Variants in CCSER1 observed in about 807,000 individuals in gnomAD.
CCSER1 encodes coiled-coil serine rich protein 1.
A neutral mutation model predicts 82.0 loss-of-function variants in CCSER1; 41 were observed. That is an observed-to-expected ratio of 0.50 (90% CI 0.39 to 0.65). The LOEUF is 0.65. Ranked by LOEUF, CCSER1 falls within the 30% of genes least tolerant of loss-of-function variation. The probability of loss-of-function intolerance (pLI) is 0.00; values close to 1 mark genes in which losing one functional copy is unlikely to be tolerated. For synonymous variants in CCSER1, 414 were observed against 383.9 expected, an observed-to-expected ratio of 1.08 and a Z score of -0.92; for missense variants, 1,119 against 1,064.2, an observed-to-expected ratio of 1.05 and a Z score of -0.72.
intron 3 of CCSER1, among the ~76,000 whole-genome samples, chr4:90,314,083 GT>G (rs1204608855): frequency 6.6e-6 from 1 of 152,116 alleles, no homozygotes; most frequent in Non-Finnish European, 1.5e-5. Context: ...CAAAATCACT[GT>G]GCTTGATGTT....
intron 8 of CCSER1, among the ~76,000 whole-genome samples, chr4:90,921,628 G>C (rs1282467782): frequency 6.6e-6 from 1 of 151,966 alleles, no homozygotes; most frequent in Non-Finnish European, 1.5e-5. Context: ...TAATCCAGAA[G>C]TTACCAACAA....
At chr4:91,577,068 G>T (rs1763484584) in intron 10 of CCSER1, among the ~76,000 whole-genome samples, 1 of 151,908 alleles carries the variant, frequency 6.6e-6, no homozygotes, top group Non-Finnish European at 1.5e-5. Flanking sequence ...AATAACATTG[G>T]TGCATAGCTT....
intron 5 of CCSER1, among the ~76,000 whole-genome samples, chr4:90,595,358 G>A (rs954143797): frequency 6.6e-5 from 10 of 151,788 alleles, no homozygotes; most frequent in Non-Finnish European, 1.5e-4. Flanking sequence ...AATTATGGTA[G>A]GCACTTGAAA....
At chr4:91,327,144 A>G (rs1746624424) in intron 10 of CCSER1, among the ~76,000 whole-genome samples, 1 of 152,110 alleles carries the variant, frequency 6.6e-6, no homozygotes, top group African/African-American at 2.4e-5. Flanking sequence ...TGGGAACTCT[A>G]TGTGGGGGCT....
At chr4:90,908,538 A>G (rs2150180517) in intron 8 of CCSER1, among the ~76,000 whole-genome samples, 1 of 152,306 alleles carries the variant, frequency 6.6e-6, no homozygotes, top group East Asian at 1.9e-4. Flanking sequence ...CATGTGTGTA[A>G]TTTAGTATGC....
chr4:90,809,353 GCA>G, intron 7 of CCSER1, among the ~76,000 whole-genome samples: 1 of 151,020 alleles, frequency 6.6e-6, no homozygotes, highest in African/African-American at 2.4e-5. Flanking sequence ...CACACACACA[GCA>G]CACACTGTGG....
chr4:91,446,668 A>ATATAT (rs1755580746), intron 10 of CCSER1, among the ~76,000 whole-genome samples: 1 of 37,838 alleles, frequency 2.6e-5, no homozygotes, highest in Non-Finnish European at 6.7e-5. Flanking sequence ...ATATATTTTA[A>ATATAT]ATAAATAAAT....
intron 5 of CCSER1, among the ~76,000 whole-genome samples, chr4:90,618,372 C>T (rs575855127): frequency 1.3e-4 from 20 of 151,920 alleles, no homozygotes; most frequent in African/African-American, 4.6e-4. Context: ...TCTTAGATTG[C>T]CACATCTTGA....
intron 9 of CCSER1, among the ~76,000 whole-genome samples, chr4:90,979,758 C>T (rs746979904): frequency 1.3e-4 from 19 of 151,656 alleles, no homozygotes; most frequent in African/African-American, 3.9e-4. Context: ...ATTAATCGAC[C>T]GCGATGAATA....
chr4:91,137,871 C>T (rs1240553292), intron 10 of CCSER1, among the ~76,000 whole-genome samples: 10 of 139,356 alleles, frequency 7.2e-5, no homozygotes, highest in Admixed American at 3.7e-4. Flanking sequence ...AGGAATCCAA[C>T]TTACAAGGGA....
intron 9 of CCSER1, among the ~76,000 whole-genome samples, chr4:90,927,983 A>G (rs9993064): frequency 0.016 from 2,464 of 152,114 alleles, 53 homozygotes; most frequent in African/African-American, 0.052. Flanking sequence ...AATATACTGT[A>G]GTTTATTAAA....
At chr4:90,343,945 A>G (rs558934519) in intron 3 of CCSER1, among the ~76,000 whole-genome samples, 50 of 152,222 alleles carry the variant, frequency 3.3e-4, no homozygotes, top group African/African-American at 1.0e-3. Context: ...ATTGACTATA[A>G]TAACTCTGTT....
Position 90,871,361 on chromosome 4 carries a change from T to C in CCSER1, c.2095-52009T>C, listed in dbSNP as rs531794015. Among the ~76,000 whole-genome samples, 5 of 151,918 alleles carry C rather than the reference T, an allele frequency of 3.3e-5. No individual in the cohort carries two copies. The South Asian group carries it at 1.0e-3, about 32-fold the overall frequency. ...TTGCGCTGTATCCCATAGATGTTGG[T>C]ATGTTGATCCATGTTCATCTGTTTC... On this transcript the variant is annotated intron_variant, in intron 8 of 10. Coordinates refer to ENST00000509176, the MANE Select transcript of CCSER1 (RefSeq NM_001145065.2).
At position 91,379,469 on chromosome 4, in the gene CCSER1, G is replaced by T. The variant is rs1019403348; in HGVS notation, c.2218-219103G>T. 5.3e-5 allele frequency among the ~76,000 whole-genome samples: 8 copies of T among 152,052 alleles called. 1 individual carries two copies. Among genetic ancestry groups the T allele is most frequent in the African/African-American group, 1.9e-4 (8 of 41,360 alleles). ...TATTCAGGGATTCAACTTCTTCCTGGTTTACCCTTGGGAGGGTGTATGTGT... is the reference window on the plus strand; with the variant it reads ...TATTCAGGGATTCAACTTCTTCCTGTTTTACCCTTGGGAGGGTGTATGTGT... On this transcript the variant is annotated intron_variant, in intron 10 of 10. Coordinates refer to ENST00000509176, the MANE Select transcript of CCSER1 (RefSeq NM_001145065.2).
chr4:91,335,216 A>C (rs1459358629), intron 10 of CCSER1, among the ~76,000 whole-genome samples: 1 of 152,070 alleles, frequency 6.6e-6, no homozygotes, highest in Non-Finnish European at 1.5e-5. Flanking sequence ...GCTGGAAAGG[A>C]GCCACAGCAT....
chr4:90,607,173 A>G (rs1311533480), intron 5 of CCSER1, among the ~76,000 whole-genome samples: 1 of 152,202 alleles, frequency 6.6e-6, no homozygotes, highest in East Asian at 1.9e-4. Flanking sequence ...GCGTCAGAAT[A>G]TAATACATTA....
intron 10 of CCSER1, among the ~76,000 whole-genome samples, chr4:91,161,460 G>A (rs1731391251): frequency 2.0e-5 from 3 of 152,146 alleles, no homozygotes; most frequent in South Asian, 4.2e-4. Context: ...GTAGCTTGGT[G>A]GGGATGGCAT....
chr4:90,209,448 G>A (rs960994192), intron 1 of CCSER1, among the ~76,000 whole-genome samples: 4 of 152,114 alleles, frequency 2.6e-5, no homozygotes, highest in African/African-American at 9.7e-5. Context: ...ACTACCCTAG[G>A]CCAGTGGTGT....
At chr4:90,745,609 GTTGA>G (rs919630076) in intron 7 of CCSER1, among the ~76,000 whole-genome samples, 3 of 150,624 alleles carry the variant, frequency 2.0e-5, no homozygotes, top group Non-Finnish European at 4.4e-5. Context: ...CCCCTCAGTG[GTTGA>G]TTGTTATATT....
Sources: allele counts gnomAD v4.1 joint callset (sites outside exome capture counted in the v4.1 genomes callset), GRCh38; gene constraint gnomAD v4.1.1; transcripts MANE v1.5; gene names NCBI Gene and HGNC (gene_info 2026-07-23, HGNC 2026-07-21).